The following SUDS3 variants were observed in gnomAD, a reference collection of about 807,000 sequenced individuals.
SUDS3 encodes the protein sin3 histone deacetylase corepressor complex component SDS3.
SUDS3 carries 23 observed loss-of-function variants against 53.5 expected under a neutral mutation model. The observed-to-expected ratio is 0.43, with a 90% CI of 0.31 to 0.61. The LOEUF (loss-of-function observed/expected upper bound fraction) is 0.61. Ranked by LOEUF, SUDS3 falls within the 20% of genes least tolerant of loss-of-function variation. SUDS3 has a pLI of 0.10. For synonymous variants in SUDS3, 150 were observed against 148.5 expected (o/e 1.01, Z -0.08); for missense variants, 291 against 405.9 (o/e 0.72, Z 2.43).
chr12:118,395,490 T>G (rs1050212909), intron 6 of SUDS3, among the ~76,000 whole-genome samples: 2 of 151,756 alleles, frequency 1.3e-5, no homozygotes, highest in African/African-American at 4.8e-5. Flanking sequence ...CCTCCCAAAG[T>G]GCTGGGATTA....
rs1270457966 is a variant in SUDS3, at chr12:118,416,768, A to G, written c.*2335A>G. The G allele has an allele frequency of 6.6e-6, 1 of 152,206 alleles. No homozygotes were observed. Among genetic ancestry groups the G allele is most frequent in the East Asian group, 1.9e-4 (1 of 5,200 alleles). The allele number at this position is 152,206 out of a possible 1,614,324, so 9.4% of individuals were successfully genotyped here. On this transcript the variant is annotated 3_prime_UTR_variant, in exon 12 of 12. Coordinates refer to ENST00000543473, the MANE Select transcript of SUDS3 (RefSeq NM_022491.3). ...TTCTGTGGTGGGCAGAAGCCTTACT[A>G]AAGGGGAAGACAGACTTTGAAGTTT...
chr12:118,408,349 T>G (rs2046327010), intron 10 of SUDS3, among the ~76,000 whole-genome samples: 1 of 151,598 alleles, frequency 6.6e-6, no homozygotes, highest in Non-Finnish European at 1.5e-5. Flanking sequence ...TTTTTTTTTT[T>G]TTGAGACAGA....
chr12:118,391,135 G>A lies in SUDS3; in HGVS notation c.370G>A (p.Val124Met), dbSNP rs1174175836. Residue 124 changes from valine to methionine, a missense_variant, in exon 6 of 12, where the codon GTG (valine) becomes ATG (methionine). This residue lies in a region of SUDS3 where 55 missense variants were observed against 124.2 expected (regional missense o/e 0.44). Transcript: ENST00000543473. ...ELFLQLETEQ[V>M]ERNYIKEKKA... ...TTTCTCTTTTGCTCAGACTGAACAAGTGGAACGAAATTACATTAAAGAAAA... is the reference window on the plus strand; with the variant it reads ...TTTCTCTTTTGCTCAGACTGAACAAATGGAACGAAATTACATTAAAGAAAA... 3 of 1,613,164 alleles carry A rather than the reference G, an allele frequency of 1.9e-6. No individual in the cohort carries two copies. Among genetic ancestry groups the A allele is most frequent in the East Asian group, 2.2e-5 (1 of 44,866 alleles).
chr12:118,410,580 T>TTTATTTATTTTA (rs1491473858), intron 10 of SUDS3, among the ~76,000 whole-genome samples: 1,760 of 133,510 alleles, frequency 0.013, 32 homozygotes, highest in South Asian at 0.1. Flanking sequence ...TATTTATTTA[T>TTTATTTATTTTA]TTTATTTATT....
Position 118,391,006 on chromosome 12 carries a change from C to G in SUDS3, c.361-120C>G, listed in dbSNP as rs747094296. 1.8e-6 allele frequency: 2 copies of G among 1,099,702 alleles called. 1 individual carries two copies. The highest frequency in any genetic ancestry group is 2.5e-5 in the South Asian group (2 of 79,306). The allele number at this position is 1,099,702 out of a possible 1,614,324, so 68.1% of individuals were successfully genotyped here. ...CTTGTTCTCAGACACACTGTTACTG[C>G]AAGTGTGTGTGAGGGGGAAACTCTC... On this transcript the variant is annotated intron_variant, in intron 5 of 11. Coordinates refer to ENST00000543473, the MANE Select transcript of SUDS3 (RefSeq NM_022491.3).
intron 6 of SUDS3, 38 bp downstream of exon 6, chr12:118,391,320 G>A (rs2046165817): frequency 1.3e-6 from 2 of 1,570,154 alleles, no homozygotes; most frequent in Admixed American, 4.0e-5. Flanking sequence ...TGGGGGCCCT[G>A]AGCGGGGGGG....
At chr12:118,376,926 C>T (rs2046002658) in intron 1 of SUDS3, 93 bp downstream of exon 1, 5 of 1,334,496 alleles carry the variant, frequency 3.7e-6, no homozygotes, top group Non-Finnish European at 3.8e-6. Context: ...GGGCGGCCTC[C>T]GGGGCCTGGG....
chr12:118,380,320 G>A lies in SUDS3; in HGVS notation c.212+89G>A. ...GCATCCCAAATCTGAAATCTCAGAT[G>A]CTCCAAAATCTAAAACTTCCTGAGT... is the stretch of plus-strand genomic sequence containing the variant. On this transcript the variant is annotated intron_variant, in intron 2 of 11. Coordinates refer to ENST00000543473, the MANE Select transcript of SUDS3 (RefSeq NM_022491.3). 1.6e-5 allele frequency: 19 copies of A among 1,182,384 alleles called. No individual in the cohort carries two copies. In the South Asian group the frequency reaches 2.6e-4, roughly 16 times the overall value. The allele number at this position is 1,182,384 out of a possible 1,614,324, so 73.2% of individuals were successfully genotyped here.
intron 11 of SUDS3, among the ~76,000 whole-genome samples, chr12:118,413,263 C>T (rs530943857): frequency 4.6e-5 from 7 of 152,274 alleles, no homozygotes; most frequent in African/African-American, 1.7e-4. Context: ...GGAGATAAAT[C>T]TGTAAACTTG....
intron 8 of SUDS3, 26 bp from the exon 9 acceptor site, chr12:118,401,957 A>AT: frequency 1.2e-6 from 2 of 1,613,864 alleles, no homozygotes; most frequent in African/African-American, 1.3e-5. Context: ...TTTCTCTAAG[A>AT]TTTTTTGTTG....
intron 6 of SUDS3, among the ~76,000 whole-genome samples, chr12:118,398,355 C>T (rs1047981762): frequency 1.3e-5 from 2 of 152,280 alleles, no homozygotes; most frequent in South Asian, 2.1e-4. Flanking sequence ...TTGTGTGACA[C>T]TCCAGCTCTT....
intron 9 of SUDS3, 87 bp downstream of exon 9, chr12:118,402,091 A>G (rs1437410955): frequency 9.4e-6 from 14 of 1,492,088 alleles, no homozygotes; most frequent in South Asian, 4.6e-5. Flanking sequence ...AATGGTTGCA[A>G]TTTTCAAAAA....
At chr12:118,380,893 C>T (rs1249826181) in intron 2 of SUDS3, among the ~76,000 whole-genome samples, 1 of 152,078 alleles carries the variant, frequency 6.6e-6, no homozygotes, top group Non-Finnish European at 1.5e-5. Context: ...TTAGTAGAGA[C>T]AGGGTTTCAC....
chr12:118,406,910 T>C (rs1476518312), intron 10 of SUDS3, among the ~76,000 whole-genome samples: 1 of 149,474 alleles, frequency 6.7e-6, no homozygotes, highest in Non-Finnish European at 1.5e-5. Flanking sequence ...TCATTTTTTA[T>C]TTTTTTGAGA....
chr12:118,393,064 G>A (rs964160224), intron 6 of SUDS3, among the ~76,000 whole-genome samples: 10 of 152,140 alleles, frequency 6.6e-5, no homozygotes, highest in African/African-American at 2.4e-4. Flanking sequence ...CCTTCCTCAG[G>A]GCACCTTTGA....
intron 10 of SUDS3, among the ~76,000 whole-genome samples, chr12:118,407,953 G>A (rs1233967328): frequency 6.6e-6 from 1 of 151,972 alleles, no homozygotes; most frequent in Non-Finnish European, 1.5e-5. Flanking sequence ...CCAGGCTGGA[G>A]TGCAGTGGCG....
chr12:118,406,773 A>G (rs2046311997), intron 10 of SUDS3, among the ~76,000 whole-genome samples: 1 of 151,980 alleles, frequency 6.6e-6, no homozygotes, highest in Non-Finnish European at 1.5e-5. Context: ...ATATCTAAAC[A>G]TATTTTTAAA....
chr12:118,382,348 ACTTTTTTTT>A (rs1317517686), intron 2 of SUDS3, among the ~76,000 whole-genome samples: 2 of 78,970 alleles, frequency 2.5e-5, no homozygotes, highest in African/African-American at 2.0e-4. Flanking sequence ...GTGCCAGGCC[ACTTTTTTTT>A]GAGACAGTAG....
chr12:118,378,999 A>T (rs2046029214), intron 1 of SUDS3, among the ~76,000 whole-genome samples: 1 of 148,784 alleles, frequency 6.7e-6, no homozygotes, highest in Non-Finnish European at 1.5e-5. Flanking sequence ...TTTAGTAGAG[A>T]TGGGGTTTCA....
Sources: gnomAD v4.1 joint callset for allele counts (sites outside exome capture counted in the v4.1 genomes callset) on GRCh38, gnomAD v4.1.1 for gene constraint, gnomAD v4.1.1 regional missense constraint, MANE v1.5 for transcripts, NCBI Gene and HGNC (gene_info 2026-07-23, HGNC 2026-07-21) for gene names.